DMXL1: variants seen among roughly 807,000 people sequenced by gnomAD.
DMXL1 encodes the protein Dmx like 1.
Under a neutral mutation model 319.2 loss-of-function variants are expected in DMXL1, and 99 were observed. The observed-to-expected ratio is 0.31, with a 90% confidence interval of 0.26 to 0.37. The LOEUF (loss-of-function observed/expected upper bound fraction) is 0.37, where lower values mean the gene tolerates loss of function less well. DMXL1 is among the 10% of genes least tolerant of loss of function. The pLI is 1.00. For missense variants in DMXL1, 3,745 were observed against 3,595.6 expected (o/e 1.04, Z -1.06); for synonymous variants, 1,385 against 1,235.2 (o/e 1.12, Z -2.54).
chr5:119,146,263 A>T (rs796067469), intron 15 of DMXL1, among the ~76,000 whole-genome samples: 1 of 151,958 alleles, frequency 6.6e-6, no homozygotes, highest in African/African-American at 2.4e-5. Context: ...ATTAAAATCT[A>T]TTGTTAAAAA....
intron 5 of DMXL1, among the ~76,000 whole-genome samples, chr5:119,114,202 C>G (rs1452410283): frequency 6.6e-6 from 1 of 152,188 alleles, no homozygotes; most frequent in Admixed American, 6.5e-5. Flanking sequence ...TGAAACCATT[C>G]TCTCTCATTC....
intron 38 of DMXL1, among the ~76,000 whole-genome samples, chr5:119,226,267 A>G (rs1445047689): frequency 1.3e-5 from 2 of 152,168 alleles, no homozygotes; most frequent in Non-Finnish European, 2.9e-5. Context: ...TTTTTCCAGT[A>G]TATCTTTTCA....
chr5:119,231,428 A>G (rs1786703440), intron 38 of DMXL1, among the ~76,000 whole-genome samples: 1 of 152,150 alleles, frequency 6.6e-6, no homozygotes. Flanking sequence ...GATCTGAATG[A>G]AAAATGCTTA....
At chr5:119,155,205 T>G (rs915463670) in intron 19 of DMXL1, among the ~76,000 whole-genome samples, 2 of 152,224 alleles carry the variant, frequency 1.3e-5, no homozygotes, top group African/African-American at 4.8e-5. Context: ...AAAGAATGCC[T>G]CCAACTTTTA....
At chr5:119,141,197 G>A (rs1767257658) in intron 13 of DMXL1, among the ~76,000 whole-genome samples, 1 of 152,074 alleles carries the variant, frequency 6.6e-6, no homozygotes, top group Admixed American at 6.6e-5. Context: ...ACTGACACAA[G>A]GAAAGGATGC....
chr5:119,172,060 A>C, intron 25 of DMXL1, 91 bp downstream of exon 25: 2 of 1,195,246 alleles, frequency 1.7e-6, no homozygotes, highest in Non-Finnish European at 1.2e-6. Context: ...GTAATTTTAA[A>C]CATCAGACTA....
At chr5:119,186,483 T>TTTAG (rs1777740444) in intron 28 of DMXL1, among the ~76,000 whole-genome samples, 2 of 152,230 alleles carry the variant, frequency 1.3e-5, no homozygotes. Context: ...GGTCTTGAAC[T>TTTAG]CTAAGTTCAG....
chr5:119,089,452 C>T (rs1429430798), intron 1 of DMXL1, among the ~76,000 whole-genome samples: 9 of 148,004 alleles, frequency 6.1e-5, no homozygotes, highest in Non-Finnish European at 1.2e-4. Context: ...ATTACAGGCG[C>T]GCACCACCAC....
intron 19 of DMXL1, 132 bp from the exon 20 acceptor site, chr5:119,164,375 A>G (rs751885397): frequency 1.8e-5 from 14 of 799,518 alleles, no homozygotes; most frequent in East Asian, 5.6e-5. Flanking sequence ...AAAAAAGCCC[A>G]TATTTCCAAT....
chr5:119,228,598 A>T (rs960681406), intron 38 of DMXL1, among the ~76,000 whole-genome samples: 1 of 152,314 alleles, frequency 6.6e-6, no homozygotes, highest in South Asian at 2.1e-4. Context: ...GCAATTTAAC[A>T]TATCAATTAA....
intron 5 of DMXL1, among the ~76,000 whole-genome samples, chr5:119,111,015 C>T (rs1231503299): frequency 6.6e-6 from 1 of 152,180 alleles, no homozygotes; most frequent in Non-Finnish European, 1.5e-5. Context: ...TCTTGAACTC[C>T]TGACCTCAGG....
At chr5:119,100,022 G>A (rs943859118) in intron 2 of DMXL1, among the ~76,000 whole-genome samples, 23 of 151,964 alleles carry the variant, frequency 1.5e-4, no homozygotes, top group Admixed American at 9.2e-4. Flanking sequence ...ACAAAAAGAG[G>A]AATTAAGAAG....
rs747836417 is a variant in DMXL1, at chr5:119,196,401, A to G, written c.7488A>G (p.Gln2496=). Reference sequence around the variant, plus strand: ...CCTTGATGCGGTTGGCGATGGTGCAATTGGTGCTCAACAATTTGAAGACTT... The same window carrying G: ...CCTTGATGCGGTTGGCGATGGTGCAGTTGGTGCTCAACAATTTGAAGACTT... ...SWSLMRLAMV[Q]LVLNNLKTFY... Residue 2496 remains glutamine (Q), a synonymous_variant, in exon 31 of 44, where the codon CAA becomes CAG. Coordinates refer to ENST00000539542, the MANE Select transcript of DMXL1 (RefSeq NM_001290321.3). 16 of 1,613,644 alleles carry G rather than the reference A, an allele frequency of 9.9e-6. No individual in the cohort carries two copies. The highest frequency in any genetic ancestry group is 4.4e-5 in the South Asian group (4 of 91,062).
chr5:119,246,324 T>C (rs533360245), intron 43 of DMXL1, among the ~76,000 whole-genome samples: 2 of 152,344 alleles, frequency 1.3e-5, no homozygotes, highest in South Asian at 2.1e-4. Flanking sequence ...ATTACCTTAC[T>C]GTACACCTAT....
At chr5:119,214,504 G>C (rs1783340349) in intron 34 of DMXL1, among the ~76,000 whole-genome samples, 1 of 152,074 alleles carries the variant, frequency 6.6e-6, no homozygotes, top group African/African-American at 2.4e-5. Flanking sequence ...TCTTTATTAT[G>C]TCTTTTAAGG....
chr5:119,219,980 A>C (rs1366554420), intron 35 of DMXL1, among the ~76,000 whole-genome samples: 1 of 146,700 alleles, frequency 6.8e-6, no homozygotes, highest in Non-Finnish European at 1.5e-5. Flanking sequence ...TTCTGCCCCT[A>C]CACCTTTTTT....
intron 1 of DMXL1, among the ~76,000 whole-genome samples, chr5:119,081,108 G>A (rs896372372): frequency 2.0e-5 from 3 of 152,314 alleles, no homozygotes; most frequent in Admixed American, 1.3e-4. Context: ...AGCTGGCAAG[G>A]TAGGGCCTAG....
At chr5:119,151,512 A>G (rs150904287) in intron 18 of DMXL1, among the ~76,000 whole-genome samples, 1 of 152,290 alleles carries the variant, frequency 6.6e-6, no homozygotes, top group Non-Finnish European at 1.5e-5. Context: ...TGCTTCAAGG[A>G]AAAAATATCA....
chr5:119,221,508 C>A (rs1402778867), intron 37 of DMXL1, among the ~76,000 whole-genome samples: 1 of 152,042 alleles, frequency 6.6e-6, no homozygotes, highest in Non-Finnish European at 1.5e-5. Flanking sequence ...ATGAAAATTA[C>A]ATGAAACTGG....
Sources: gnomAD v4.1 joint callset for allele counts (sites outside exome capture counted in the v4.1 genomes callset) on GRCh38, gnomAD v4.1.1 for gene constraint, MANE v1.5 for transcripts, NCBI Gene and HGNC (gene_info 2026-07-23, HGNC 2026-07-21) for gene names.